Variants in DPYD observed in about 807,000 individuals in gnomAD.
DPYD encodes dihydropyrimidine dehydrogenase, also known as dihydropyrimidine dehydrogenase [NADP(+)].
A neutral mutation model predicts 116.2 loss-of-function variants in DPYD; 109 were observed. The ratio of observed to expected loss-of-function variants is 0.94; its 90% CI spans 0.80 to 1.10. The LOEUF (loss-of-function observed/expected upper bound fraction) is 1.10, where lower values mean the gene tolerates loss of function less well. DPYD is among the 50% of genes least tolerant of loss of function. The pLI is 0.00. For synonymous variants in DPYD, 440 were observed against 432.0 expected, an observed-to-expected ratio of 1.02 and a Z score of -0.23; for missense variants, 1,302 against 1,254.5, an observed-to-expected ratio of 1.04 and a Z score of -0.57.
intron 18 of DPYD, among the ~76,000 whole-genome samples, chr1:97,249,703 C>T (rs1056164722): frequency 3.3e-5 from 5 of 151,896 alleles, no homozygotes; most frequent in African/African-American, 4.8e-5. Flanking sequence ...TATTTTAAAA[C>T]GAACTCATAT....
chr1:97,707,157 A>T (rs1662011594), intron 5 of DPYD, among the ~76,000 whole-genome samples: 1 of 152,046 alleles, frequency 6.6e-6, no homozygotes, highest in African/African-American at 2.4e-5. Context: ...TTAGGAGGTG[A>T]TTAGGTCATG....
intron 14 of DPYD, among the ~76,000 whole-genome samples, chr1:97,426,256 T>C (rs1016926295): frequency 1.3e-5 from 2 of 151,952 alleles, no homozygotes; most frequent in Non-Finnish European, 2.9e-5. Flanking sequence ...CTTTCAAAAC[T>C]GCAGAGGTGG....
intron 2 of DPYD, among the ~76,000 whole-genome samples, chr1:97,839,881 C>A (rs1011365902): frequency 6.6e-5 from 10 of 152,244 alleles, no homozygotes; most frequent in African/African-American, 2.2e-4. Context: ...CTACATATGC[C>A]AGTTGGAGAC....
intron 21 of DPYD, among the ~76,000 whole-genome samples, chr1:97,097,254 C>T (rs117702246): frequency 2.2e-4 from 34 of 152,200 alleles, no homozygotes; most frequent in East Asian, 1.7e-3. Context: ...TTTGCCCTTT[C>T]GGAACTCTGT....
chr1:97,140,614 T>C (rs1654146471), intron 20 of DPYD, among the ~76,000 whole-genome samples: 1 of 152,036 alleles, frequency 6.6e-6, no homozygotes, highest in East Asian at 1.9e-4. Context: ...ACAGGTGACA[T>C]GGAGAAGTGG....
chr1:97,192,987 A>G, intron 20 of DPYD, 82 bp downstream of exon 20: 1 of 1,490,988 alleles, frequency 6.7e-7, no homozygotes, highest in Non-Finnish European at 9.3e-7. Flanking sequence ...TTTGTTAGTG[A>G]GAATGTGAGA....
chr1:97,413,312 T>A (rs1207987302), intron 14 of DPYD, among the ~76,000 whole-genome samples: 3 of 152,276 alleles, frequency 2.0e-5, no homozygotes, highest in East Asian at 1.9e-4. Context: ...TGTCACCCAA[T>A]CCATCTTCTC....
At chr1:97,175,154 A>G (rs1445469602) in intron 20 of DPYD, among the ~76,000 whole-genome samples, 1 of 152,228 alleles carries the variant, frequency 6.6e-6, no homozygotes, top group African/African-American at 2.4e-5. Flanking sequence ...TATACTCATT[A>G]GCAATGTATG....
chr1:97,889,875 T>G (rs148535727), intron 1 of DPYD, among the ~76,000 whole-genome samples: 3 of 152,120 alleles, frequency 2.0e-5, no homozygotes, highest in African/African-American at 7.2e-5. Context: ...TCTACTAACT[T>G]AAAAATATTA....
intron 13 of DPYD, among the ~76,000 whole-genome samples, chr1:97,477,760 A>G (rs1342210521): frequency 6.6e-6 from 1 of 151,476 alleles, no homozygotes; most frequent in Admixed American, 6.6e-5. Flanking sequence ...AGCTGGGACT[A>G]CAGGCGCCCG....
At position 97,288,651 on chromosome 1, in the gene DPYD, A is replaced by C. The variant is rs1471411069; in HGVS notation, c.2299+16608T>G. On this transcript the variant is annotated intron_variant, in intron 18 of 22. Transcript: ENST00000370192. ...CTTTGAAACCAACGAGAACAAAGAC[A>C]CAACATACCAGACTCTCTGGGACAC... Among the ~76,000 whole-genome samples the C allele has an allele frequency of 5.5e-5, 8 of 144,764 alleles. No homozygotes were observed. In the Admixed American group the frequency reaches 5.7e-4, roughly 10 times the overall value. 95.0% of individuals were successfully genotyped at this position (144,764 alleles called of 152,430 possible). A position where few individuals can be genotyped will look rare whatever the true frequency, so the allele number is the denominator to read the frequency against.
At chr1:97,413,404 C>T (rs1298004695) in intron 14 of DPYD, among the ~76,000 whole-genome samples, 1 of 152,162 alleles carries the variant, frequency 6.6e-6, no homozygotes, top group African/African-American at 2.4e-5. Context: ...TTTTTGCTAT[C>T]TATTTAGGAG....
At chr1:97,868,753 A>G (rs1020266482) in intron 2 of DPYD, among the ~76,000 whole-genome samples, 1 of 151,814 alleles carries the variant, frequency 6.6e-6, no homozygotes, top group Non-Finnish European at 1.5e-5. Flanking sequence ...AGCTGATTAT[A>G]TTATACCCTA....
intron 3 of DPYD, among the ~76,000 whole-genome samples, chr1:97,826,752 AACTT>A (rs1571424488): frequency 1.3e-5 from 2 of 152,118 alleles, no homozygotes; most frequent in Admixed American, 1.3e-4. Flanking sequence ...AATTTTCAAT[AACTT>A]AAACTTTCTG....
At chr1:97,408,793 A>G (rs1475437873) in intron 14 of DPYD, among the ~76,000 whole-genome samples, 1 of 152,192 alleles carries the variant, frequency 6.6e-6, no homozygotes, top group Non-Finnish European at 1.5e-5. Flanking sequence ...AGCAGGCAGA[A>G]GAAGGTGGAA....
intron 12 of DPYD, among the ~76,000 whole-genome samples, chr1:97,520,992 G>T (rs1280851072): frequency 6.6e-6 from 1 of 152,126 alleles, no homozygotes; most frequent in Non-Finnish European, 1.5e-5. Flanking sequence ...TATATACTTA[G>T]TAATGGGATT....
intron 12 of DPYD, chr1:97,546,845 T>G: frequency 1.2e-6 from 2 of 1,611,516 alleles, no homozygotes; most frequent in Non-Finnish European, 1.7e-6. Flanking sequence ...GCCAAGCCTG[T>G]GCCAGAAAAT....
intron 18 of DPYD, among the ~76,000 whole-genome samples, chr1:97,284,143 T>G (rs1003439000): frequency 6.6e-6 from 1 of 152,170 alleles, no homozygotes; most frequent in African/African-American, 2.4e-5. Flanking sequence ...TTTTCTAGAA[T>G]GATACGTCAC....
chr1:97,736,233 T>C (rs547540296), intron 4 of DPYD, among the ~76,000 whole-genome samples: 34 of 152,094 alleles, frequency 2.2e-4, no homozygotes, highest in Non-Finnish European at 4.9e-4. Context: ...CATTCATTTT[T>C]CAATAGTAGC....
Sources: allele counts gnomAD v4.1 joint callset (sites outside exome capture counted in the v4.1 genomes callset), GRCh38; gene constraint gnomAD v4.1.1; transcripts MANE v1.5; gene names NCBI Gene and HGNC (gene_info 2026-07-23, HGNC 2026-07-21).